The following FGF13 variants were observed in gnomAD, a reference collection of about 807,000 sequenced individuals.
FGF13 encodes the protein fibroblast growth factor homologous factor 2.
Under a neutral mutation model 19.5 loss-of-function variants are expected in FGF13, and 2 were observed. That is an observed-to-expected ratio of 0.10 (90% confidence interval 0.04 to 0.32). The LOEUF (loss-of-function observed/expected upper bound fraction) is 0.32. Ranked by LOEUF, FGF13 falls within the 10% of genes least tolerant of loss-of-function variation. The pLI is 1.00. For synonymous variants in FGF13, 72 were observed against 76.9 expected, an observed-to-expected ratio of 0.94 and a Z score of 0.33; for missense variants, 113 against 192.7, an observed-to-expected ratio of 0.59 and a Z score of 2.45.
chrX:139,178,050 T>C (rs1342412633), intron 1 of FGF13, among the ~76,000 whole-genome samples: 1 of 111,871 alleles, frequency 8.9e-6, no homozygotes, highest in Non-Finnish European at 1.9e-5. Flanking sequence ...ACACACACTC[T>C]AACCAGGCCC....
In FGF13 at chrX:138,617,934, C is replaced by A. The variant is rs899650887; in HGVS notation, c.*14916G>T. On this transcript the variant is annotated 3_prime_UTR_variant, in exon 5 of 5. Transcript: ENST00000315930. ...ATCCATCCTGGGTGACAGAGTGAGA[C>A]CTCAACCCCAGAGAGAGAGAGAGAG... 2.7e-5 allele frequency: 3 copies of A among 110,219 alleles called. No individual in the cohort carries two copies. The South Asian group carries it at 1.2e-3, about 44-fold the overall frequency. The allele number at this position is 110,219 out of a possible 1,213,427, so 9.1% of individuals were successfully genotyped here. A position where few individuals can be genotyped will look rare whatever the true frequency, so the allele number is the denominator to read the frequency against.
chrX:138,635,380 C>T, intron 4 of FGF13, 77 bp downstream of exon 4: 2 of 1,054,116 alleles, frequency 1.9e-6, no homozygotes, highest in Non-Finnish European at 2.6e-6. Flanking sequence ...ACCTGTACCC[C>T]CAAAACTATT....
intron 3 of FGF13, among the ~76,000 whole-genome samples, chrX:138,694,543 T>C (rs1481617035): frequency 9.5e-6 from 1 of 105,495 alleles, no homozygotes; most frequent in African/African-American, 3.4e-5. Context: ...CTCCGCCTCC[T>C]GGGTTCATGC....
chrX:138,648,364 C>T (rs896537246), intron 3 of FGF13, among the ~76,000 whole-genome samples: 3 of 111,577 alleles, frequency 2.7e-5, no homozygotes, highest in South Asian at 3.8e-4. Flanking sequence ...ACTCCCTGGC[C>T]GGGCGTTCAA....
chrX:139,050,504 A>C (rs1157729344), intron 1 of FGF13, among the ~76,000 whole-genome samples: 1 of 111,840 alleles, frequency 8.9e-6, no homozygotes, highest in Non-Finnish European at 1.9e-5. Context: ...GTAAAAAGCA[A>C]AAATGAATGA....
chrX:138,795,815 C>T (rs1472460988), intron 3 of FGF13, among the ~76,000 whole-genome samples: 1 of 111,406 alleles, frequency 9.0e-6, no homozygotes, highest in African/African-American at 3.3e-5. Flanking sequence ...GCCTGGCTTA[C>T]AGTAAAGTCC....
At chrX:139,145,980 A>G (rs1306924085) in intron 1 of FGF13, among the ~76,000 whole-genome samples, 15 of 112,096 alleles carry the variant, frequency 1.3e-4, no homozygotes, top group Non-Finnish European at 3.8e-5. Flanking sequence ...AAGATGGATT[A>G]AAGACTTAAA....
At chrX:139,193,589 G>A (rs999174929) in intron 1 of FGF13, among the ~76,000 whole-genome samples, 3 of 111,195 alleles carry the variant, frequency 2.7e-5, no homozygotes, top group Non-Finnish European at 5.7e-5. Flanking sequence ...CTGGGAGGGC[G>A]GAAGAAAGGC....
chrX:139,174,162 A>G (rs1471781487), intron 1 of FGF13, among the ~76,000 whole-genome samples: 2 of 112,230 alleles, frequency 1.8e-5, no homozygotes, highest in African/African-American at 6.5e-5. Flanking sequence ...GTGATGATGA[A>G]CTTTCTTTCA....
intron 1 of FGF13, among the ~76,000 whole-genome samples, chrX:139,045,382 T>C (rs939115737): frequency 8.9e-5 from 10 of 112,338 alleles, no homozygotes; most frequent in Non-Finnish European, 1.5e-4. Context: ...TGAGGCCTTT[T>C]CCCCATTGCC....
chrX:138,744,213 G>A (rs150836342), upstream of FGF13, among the ~76,000 whole-genome samples: 809 of 111,325 alleles, frequency 7.3e-3, 6 homozygotes, highest in African/African-American at 0.024. Context: ...CAGCCAGGAA[G>A]ATTCCTGCCC....
At chrX:138,925,588 A>G (rs1326093386) in intron 1 of FGF13, among the ~76,000 whole-genome samples, 1 of 111,573 alleles carries the variant, frequency 9.0e-6, no homozygotes, top group African/African-American at 3.3e-5. Context: ...CGTATGACTC[A>G]GCACAAAGCA....
At chrX:138,767,333 G>T (rs928311990) in intron 3 of FGF13, among the ~76,000 whole-genome samples, 1 of 111,707 alleles carries the variant, frequency 9.0e-6, no homozygotes, top group African/African-American at 3.3e-5. Context: ...ACTAAACTTT[G>T]TTTCCAGGCA....
At chrX:138,960,424 C>T (rs763084945) in intron 1 of FGF13, among the ~76,000 whole-genome samples, 1 of 111,862 alleles carries the variant, frequency 8.9e-6, no homozygotes, top group Non-Finnish European at 1.9e-5. Context: ...TTGTGGGTAA[C>T]CCAACCTTTC....
chrX:138,622,084 T>G lies in FGF13; in HGVS notation c.*10766A>C, dbSNP rs1292853820. The G allele has an allele frequency of 1.8e-5, 2 of 108,436 alleles. No individual in the cohort carries two copies. Among genetic ancestry groups the G allele is most frequent in the East Asian group, 2.9e-4 (1 of 3,492 alleles). 8.9% of individuals were successfully genotyped at this position (108,436 alleles called of 1,213,427 possible). A position where few individuals can be genotyped will look rare whatever the true frequency, so the allele number is the denominator to read the frequency against. On this transcript the variant is annotated 3_prime_UTR_variant, in exon 5 of 5. Transcript: ENST00000315930. ...AAAAAAAAAGAAGAGTGAGGAACAC[T>G]TCTAAACTCATTTTTCTATGAAACC... is the stretch of plus-strand genomic sequence containing the variant.
intron 3 of FGF13, among the ~76,000 whole-genome samples, chrX:138,797,922 G>C (rs28798414): frequency 0.036 from 3,992 of 112,059 alleles, 147 homozygotes; most frequent in African/African-American, 0.11. Context: ...TGTAACCTGA[G>C]ACTTTGCTGA....
intron 3 of FGF13, among the ~76,000 whole-genome samples, chrX:138,698,163 C>T: frequency 9.1e-6 from 1 of 109,717 alleles, no homozygotes; most frequent in Non-Finnish European, 1.9e-5. Flanking sequence ...AAAAAAAGGG[C>T]GGGGAAGGGA....
intron 3 of FGF13, among the ~76,000 whole-genome samples, chrX:138,839,299 A>C (rs369621121): frequency 9.0e-6 from 1 of 111,572 alleles, no homozygotes; most frequent in African/African-American, 3.3e-5. Context: ...TCATTAAAAA[A>C]AAATTTTCCA....
intron 2 of FGF13, 62 bp from the exon 3 acceptor site, chrX:138,703,149 T>C (rs2089963911): frequency 1.1e-6 from 1 of 900,046 alleles, no homozygotes; most frequent in African/African-American, 1.9e-5. Flanking sequence ...CTTTTCAATG[T>C]TTCCAGCAGG....
Sources: gnomAD v4.1 joint callset for allele counts (sites outside exome capture counted in the v4.1 genomes callset) on GRCh38, gnomAD v4.1.1 for gene constraint, MANE v1.5 for transcripts, NCBI Gene and HGNC (gene_info 2026-07-23, HGNC 2026-07-21) for gene names.